EYS: variants seen among roughly 807,000 people sequenced by gnomAD.
The protein encoded by EYS is protein eyes shut homolog.
EYS carries 250 observed loss-of-function variants against 282.1 expected under a neutral mutation model. The ratio of observed to expected loss-of-function variants is 0.89; its 90% CI spans 0.80 to 0.98. The LOEUF (loss-of-function observed/expected upper bound fraction) is 0.98. Among genes scored for constraint, EYS ranks in the 50% least tolerant of loss-of-function variants. The probability of loss-of-function intolerance (pLI) is 0.00; values close to 1 mark genes in which losing one functional copy is unlikely to be tolerated. For missense variants in EYS, 4,016 were observed against 3,709.0 expected (o/e 1.08, Z -2.15); for synonymous variants, 1,355 against 1,282.9 (o/e 1.06, Z -1.20).
At chr6:63,858,977 G>C (rs1317774115) in intron 36 of EYS, among the ~76,000 whole-genome samples, 1 of 143,874 alleles carries the variant, frequency 7.0e-6, no homozygotes, top group Non-Finnish European at 1.5e-5. Flanking sequence ...CCCTGATTTT[G>C]TAATACCTTG....
intron 12 of EYS, among the ~76,000 whole-genome samples, chr6:65,163,325 A>G (rs766927245): frequency 6.6e-6 from 1 of 151,322 alleles, no homozygotes; most frequent in African/African-American, 2.4e-5. Context: ...TGTTGTAACT[A>G]TAAAAGAGAG....
intron 22 of EYS, among the ~76,000 whole-genome samples, chr6:64,757,275 CCTGA>C (rs1451222286): frequency 6.6e-6 from 1 of 152,120 alleles, no homozygotes; most frequent in Non-Finnish European, 1.5e-5. Flanking sequence ...TTGATTTCTC[CCTGA>C]CTGTCTCAGG....
At chr6:65,238,634 T>C (rs1320540468) in intron 12 of EYS, among the ~76,000 whole-genome samples, 2 of 152,102 alleles carry the variant, frequency 1.3e-5, no homozygotes, top group African/African-American at 4.8e-5. Flanking sequence ...ATAATGTTGT[T>C]ATTGCTATTA....
intron 31 of EYS, among the ~76,000 whole-genome samples, chr6:64,168,044 C>T (rs957062497): frequency 6.6e-6 from 1 of 152,126 alleles, no homozygotes; most frequent in Admixed American, 6.5e-5. Flanking sequence ...AGGCGGATCA[C>T]GAGGTGAGGA....
intron 30 of EYS, among the ~76,000 whole-genome samples, chr6:64,267,124 G>C (rs1290941253): frequency 6.6e-6 from 1 of 152,072 alleles, no homozygotes; most frequent in Non-Finnish European, 1.5e-5. Flanking sequence ...AGAATCTAAA[G>C]ATATTTAGTC....
chr6:64,841,589 G>A (rs1038892573), intron 19 of EYS, among the ~76,000 whole-genome samples: 5 of 152,000 alleles, frequency 3.3e-5, no homozygotes, highest in East Asian at 1.9e-4. Context: ...TTCCCAATCC[G>A]AAATCCAGAA....
intron 29 of EYS, among the ~76,000 whole-genome samples, chr6:64,334,568 A>G (rs905620276): frequency 6.6e-6 from 1 of 152,138 alleles, no homozygotes; most frequent in South Asian, 2.1e-4. Context: ...ACTCTTATTT[A>G]TATGTTAAAC....
chr6:64,902,744 G>C (rs1389058593), intron 16 of EYS, among the ~76,000 whole-genome samples: 2 of 152,086 alleles, frequency 1.3e-5, no homozygotes, highest in Non-Finnish European at 2.9e-5. Flanking sequence ...AATCCCCTGA[G>C]AAGGTAGAGA....
At chr6:63,757,604 T>C (rs1769522479) in intron 41 of EYS, among the ~76,000 whole-genome samples, 1 of 152,148 alleles carries the variant, frequency 6.6e-6, no homozygotes, top group African/African-American at 2.4e-5. Flanking sequence ...GCTGGTTTTG[T>C]GGCTCAGGTG....
At position 64,058,827 on chromosome 6, in the gene EYS, A is replaced by G. The variant is rs535576888; in HGVS notation, c.6725+7511T>C. 3.3e-5 allele frequency among the ~76,000 whole-genome samples: 5 copies of G among 152,226 alleles called. No homozygotes were observed. In the East Asian group the frequency reaches 9.7e-4, roughly 29 times the overall value. On this transcript the variant is annotated intron_variant, in intron 33 of 42. Coordinates refer to ENST00000503581, the MANE Select transcript of EYS (RefSeq NM_001142800.2). ...AGAATTGAAGTTTATTTTGCTGTAT[A>G]CTCTGCCACTGCACAAAAATAATTT...
At chr6:64,474,913 A>G (rs1014421437) in intron 26 of EYS, among the ~76,000 whole-genome samples, 35 of 152,306 alleles carry the variant, frequency 2.3e-4, no homozygotes, top group Admixed American at 2.1e-3. Context: ...ACAGTAAAGG[A>G]GAGGAAACAC....
intron 35 of EYS, among the ~76,000 whole-genome samples, chr6:63,933,457 T>A (rs1346402734): frequency 6.6e-6 from 1 of 152,170 alleles, no homozygotes; most frequent in African/African-American, 2.4e-5. Flanking sequence ...TGTGCCCACC[T>A]CGGCCTCCCA....
chr6:63,999,907 A>G (rs185064655), intron 33 of EYS, among the ~76,000 whole-genome samples: 7 of 152,308 alleles, frequency 4.6e-5, no homozygotes, highest in Admixed American at 2.0e-4. Flanking sequence ...AAATTCAAAC[A>G]ATATTACCCT....
At chr6:64,329,845 C>T (rs1582607239) in intron 29 of EYS, among the ~76,000 whole-genome samples, 1 of 152,256 alleles carries the variant, frequency 6.6e-6, no homozygotes, top group East Asian at 1.9e-4. Context: ...GTGTCCAACC[C>T]ATATACAATG....
At chr6:64,081,767 C>T in intron 32 of EYS, 89 bp downstream of exon 32, 1 of 1,142,222 alleles carries the variant, frequency 8.8e-7, no homozygotes, top group Non-Finnish European at 1.2e-6. Context: ...AATTCTCTCA[C>T]AATATTTAAA....
chr6:64,953,151 G>C (rs187335641), intron 14 of EYS, among the ~76,000 whole-genome samples: 282 of 151,780 alleles, frequency 1.9e-3, no homozygotes, highest in African/African-American at 6.6e-3. Flanking sequence ...AACTTGGATT[G>C]CTTCCATTTT....
At chr6:64,709,528 A>G (rs753829574) in intron 22 of EYS, among the ~76,000 whole-genome samples, 9 of 152,200 alleles carry the variant, frequency 5.9e-5, no homozygotes, top group Non-Finnish European at 1.2e-4. Flanking sequence ...ATTGTTTTAA[A>G]TAATAACTTT....
intron 12 of EYS, among the ~76,000 whole-genome samples, chr6:65,256,183 C>G (rs1270141266): frequency 6.6e-6 from 1 of 151,646 alleles, no homozygotes; most frequent in African/African-American, 2.4e-5. Flanking sequence ...AGAATGCGGT[C>G]CTATCATTGG....
At chr6:63,735,486 G>A (rs1002287769) in intron 41 of EYS, among the ~76,000 whole-genome samples, 8 of 148,934 alleles carry the variant, frequency 5.4e-5, no homozygotes, top group Non-Finnish European at 1.0e-4. Context: ...GTCTCTGTCT[G>A]TCTCTGTCAC....
Sources: gnomAD v4.1 joint callset for allele counts (sites outside exome capture counted in the v4.1 genomes callset) on GRCh38, gnomAD v4.1.1 for gene constraint, MANE v1.5 for transcripts, NCBI Gene and HGNC (gene_info 2026-07-23, HGNC 2026-07-21) for gene names.